Variants in CDH13 observed in about 807,000 individuals in gnomAD.
CDH13 encodes the protein cadherin-13.
In CDH13, 24 loss-of-function variants were observed where a neutral mutation model predicts 63.8. That is an observed-to-expected ratio of 0.38 (90% CI 0.27 to 0.53). The LOEUF is 0.53. Among genes scored for constraint, CDH13 ranks in the 20% least tolerant of loss-of-function variants. The probability of loss-of-function intolerance (pLI) is 0.85; values close to 1 mark genes in which losing one functional copy is unlikely to be tolerated. For missense variants in CDH13, 1,049 were observed against 903.1 expected (o/e 1.16, Z -2.07); for synonymous variants, 503 against 355.3 (o/e 1.42, Z -4.67).
intron 2 of CDH13, among the ~76,000 whole-genome samples, chr16:82,872,971 C>T (rs926002062): frequency 3.3e-5 from 5 of 152,058 alleles, no homozygotes; most frequent in African/African-American, 9.7e-5. Context: ...TATAATAAAC[C>T]CTTGAGAACA....
chr16:83,698,131 T>C (rs771861620), intron 10 of CDH13, among the ~76,000 whole-genome samples: 6 of 152,242 alleles, frequency 3.9e-5, no homozygotes, highest in Non-Finnish European at 7.3e-5. Flanking sequence ...AGTTAACGAA[T>C]GAATTGCAAA....
intron 5 of CDH13, among the ~76,000 whole-genome samples, chr16:83,242,617 G>A (rs1329796821): frequency 6.6e-6 from 1 of 152,182 alleles, no homozygotes; most frequent in Non-Finnish European, 1.5e-5. Context: ...GGCTCATGGA[G>A]TTAGATCAGT....
chr16:83,739,253 GC>G (rs925750545), intron 10 of CDH13, among the ~76,000 whole-genome samples: 1 of 152,034 alleles, frequency 6.6e-6, no homozygotes, highest in Non-Finnish European at 1.5e-5. Context: ...TACGTGACCA[GC>G]CCCCCAAAAA....
intron 5 of CDH13, among the ~76,000 whole-genome samples, chr16:83,309,803 C>A (rs1343802243): frequency 6.6e-6 from 1 of 151,616 alleles, no homozygotes; most frequent in Non-Finnish European, 1.5e-5. Context: ...CTATAACTCC[C>A]ATGGGATTTT....
chr16:83,024,071 C>T (rs1260126910), intron 2 of CDH13, among the ~76,000 whole-genome samples: 1 of 152,034 alleles, frequency 6.6e-6, no homozygotes, highest in Non-Finnish European at 1.5e-5. Flanking sequence ...GATATCATAG[C>T]CTTCCTGGAT....
intron 5 of CDH13, among the ~76,000 whole-genome samples, chr16:83,277,049 A>G (rs1228160850): frequency 1.3e-5 from 2 of 152,130 alleles, no homozygotes; most frequent in Admixed American, 6.5e-5. Flanking sequence ...CTCTCCAACA[A>G]CATGTGGGAG....
At chr16:82,866,383 T>C (rs1182446435) in intron 2 of CDH13, among the ~76,000 whole-genome samples, 3 of 100,970 alleles carry the variant, frequency 3.0e-5, no homozygotes, top group African/African-American at 1.2e-4. Flanking sequence ...TCTTCTTTTT[T>C]TTTTTTTTTT....
chr16:82,684,162 G>T (rs563198191), intron 1 of CDH13, among the ~76,000 whole-genome samples: 1 of 152,324 alleles, frequency 6.6e-6, no homozygotes, highest in African/African-American at 2.4e-5. Context: ...ATGGGGAAAG[G>T]GCCCAGGTTT....
At chr16:83,439,763 C>T (rs1048610730) in intron 6 of CDH13, among the ~76,000 whole-genome samples, 2 of 152,160 alleles carry the variant, frequency 1.3e-5, no homozygotes, top group South Asian at 2.1e-4. Context: ...GACAGGAGAA[C>T]ACCAACATCT....
intron 7 of CDH13, among the ~76,000 whole-genome samples, chr16:83,505,131 T>C (rs1242197733): frequency 6.6e-6 from 1 of 152,220 alleles, no homozygotes; most frequent in East Asian, 1.9e-4. Flanking sequence ...CCTCAAATTC[T>C]AGATTTGGAC....
intron 7 of CDH13, among the ~76,000 whole-genome samples, chr16:83,593,215 C>G (rs9930727): frequency 6.6e-6 from 1 of 152,094 alleles, no homozygotes; most frequent in Non-Finnish European, 1.5e-5. Flanking sequence ...AAAGAGGAAA[C>G]GAATGAATGA....
chr16:83,275,945 T>C (rs1365901092), intron 5 of CDH13, among the ~76,000 whole-genome samples: 1 of 152,000 alleles, frequency 6.6e-6, no homozygotes. Flanking sequence ...ATAGAAAAAA[T>C]CGAGGTGGCT....
At chr16:83,312,231 G>C (rs185559807) in intron 5 of CDH13, among the ~76,000 whole-genome samples, 88 of 152,258 alleles carry the variant, frequency 5.8e-4, no homozygotes, top group African/African-American at 2.1e-3. Flanking sequence ...GGCTCAGTCT[G>C]TGTCCATACA....
chr16:82,853,164 AGG>A lies in CDH13; in HGVS notation c.46-5197_46-5196del, dbSNP rs1597803806. Among the ~76,000 whole-genome samples the A allele has an allele frequency of 4.6e-5, 7 of 152,304 alleles. No homozygotes were observed. The East Asian group carries it at 1.2e-3, about 25-fold the overall frequency. On this transcript the variant is annotated intron_variant, in intron 1 of 13. Coordinates refer to ENST00000567109, the MANE Select transcript of CDH13 (RefSeq NM_001257.5). ...TTAAAGGATGCTTGGTGTCCTACAG[AGG>A]TAACACAACTCAATCATATCAGGCA...
Position 83,099,880 on chromosome 16 carries a change from C to T in CDH13, c.367-25505C>T, listed in dbSNP as rs548059350. On this transcript the variant is annotated intron_variant, in intron 3 of 13. Transcript: ENST00000567109. ...AAGAGTGAGGAGGTGGTACTGTTAT[C>T]GCTGCTGTTTTATGCTTTCTTCTGC... Among the ~76,000 whole-genome samples the T allele has an allele frequency of 1.6e-4, 25 of 152,184 alleles. No homozygotes were observed. The South Asian group carries it at 4.2e-3, about 25-fold the overall frequency.
intron 13 of CDH13, among the ~76,000 whole-genome samples, chr16:83,786,552 T>C (rs144766491): frequency 8.0e-5 from 12 of 150,878 alleles, no homozygotes; most frequent in African/African-American, 2.9e-4. Flanking sequence ...CTTCTTTCCT[T>C]TGTCTTTCTT....
At chr16:83,138,372 G>C (rs1462176017) in intron 4 of CDH13, among the ~76,000 whole-genome samples, 1 of 152,006 alleles carries the variant, frequency 6.6e-6, no homozygotes, top group Non-Finnish European at 1.5e-5. Flanking sequence ...GGGTGCTGTG[G>C]GATCTTGGAA....
intron 5 of CDH13, among the ~76,000 whole-genome samples, chr16:83,221,529 A>G (rs1052569715): frequency 1.3e-5 from 2 of 152,206 alleles, no homozygotes; most frequent in Non-Finnish European, 2.9e-5. Context: ...ATGAAATTCT[A>G]TAAAAATATT....
chr16:83,078,294 G>T (rs1187842071), intron 3 of CDH13, among the ~76,000 whole-genome samples: 2 of 152,134 alleles, frequency 1.3e-5, no homozygotes, highest in Non-Finnish European at 2.9e-5. Flanking sequence ...CAACCTTTTG[G>T]CACCAGGGAC....
Sources: allele counts gnomAD v4.1 joint callset (sites outside exome capture counted in the v4.1 genomes callset), GRCh38; gene constraint gnomAD v4.1.1; transcripts MANE v1.5; gene names NCBI Gene and HGNC (gene_info 2026-07-23, HGNC 2026-07-21).